SORCS1: variants seen among roughly 807,000 people sequenced by gnomAD.
SORCS1 encodes the protein VPS10 domain-containing receptor SorCS1.
In SORCS1, 60 loss-of-function variants were observed where a neutral mutation model predicts 146.1. The ratio of observed to expected loss-of-function variants is 0.41; its 90% CI spans 0.33 to 0.51. The LOEUF (loss-of-function observed/expected upper bound fraction) is 0.51. Among genes scored for constraint, SORCS1 ranks in the 20% least tolerant of loss-of-function variants. The probability of loss-of-function intolerance (pLI) is 0.21; values close to 1 mark genes in which losing one functional copy is unlikely to be tolerated. For synonymous variants in SORCS1, 637 were observed against 584.0 expected (o/e 1.09, Z -1.31); for missense variants, 1,352 against 1,487.6 (o/e 0.91, Z 1.50).
intron 1 of SORCS1, among the ~76,000 whole-genome samples, chr10:107,068,174 A>G (rs567370818): frequency 1.3e-5 from 2 of 152,088 alleles, no homozygotes; most frequent in Non-Finnish European, 2.9e-5. Context: ...AATTCTTTCT[A>G]ATCTGCTTTC....
chr10:106,672,978 C>A lies in SORCS1; in HGVS notation c.1948G>T (p.Gly650Ter). 1 of 1,613,090 alleles carries A rather than the reference C, an allele frequency of 6.2e-7. No individual in the cohort carries two copies. The highest frequency in any genetic ancestry group is 8.5e-7 in the Non-Finnish European group (1 of 1,179,190). ...CATTCAGAGCGGTGGCTGAAGTGTCCAAACACTCTACAGAGTTCATGGTGA... is the reference window on the plus strand; with the variant it reads ...CATTCAGAGCGGTGGCTGAAGTGTCAAAACACTCTACAGAGTTCATGGTGA... ...GEETLIMTVFGHFSHRSEWQL... is the reference protein window; with the variant it reads ...GEETLIMTVF The change falls in exon 15 of 26, where the codon GGA becomes TGA. Residue 650 changes from glycine (G) to a stop codon, truncating the protein, a stop_gained. Coordinates refer to ENST00000263054, the MANE Select transcript of SORCS1 (RefSeq NM_052918.5). LOFTEE classifies it high-confidence loss of function.
chr10:106,606,569 T>C (rs1220682208), intron 23 of SORCS1, among the ~76,000 whole-genome samples: 1 of 152,208 alleles, frequency 6.6e-6, no homozygotes, highest in Non-Finnish European at 1.5e-5. Flanking sequence ...TCACGGACAA[T>C]TTTTTGTGTT....
At chr10:107,021,513 CAAAAAAAAAAAA>C (rs869141427) in intron 1 of SORCS1, among the ~76,000 whole-genome samples, 35 of 68,630 alleles carry the variant, frequency 5.1e-4, no homozygotes, top group East Asian at 3.1e-3. Flanking sequence ...CACTCCGTCT[CAAAAAAAAAAAA>C]AAAAAAAAAA....
chr10:106,976,627 G>A (rs528006911), intron 1 of SORCS1, among the ~76,000 whole-genome samples: 5 of 152,014 alleles, frequency 3.3e-5, no homozygotes, highest in Non-Finnish European at 5.9e-5. Context: ...CACCGCGCCC[G>A]GCTGCCATCA....
At chr10:106,998,292 T>TAAC (rs1957081318) in intron 1 of SORCS1, among the ~76,000 whole-genome samples, 1 of 152,236 alleles carries the variant, frequency 6.6e-6, no homozygotes, top group Non-Finnish European at 1.5e-5. Context: ...AGTGTCAAAA[T>TAAC]AACAGCACTC....
At chr10:106,584,952 T>C (rs1188296225) in intron 24 of SORCS1, among the ~76,000 whole-genome samples, 1 of 152,200 alleles carries the variant, frequency 6.6e-6, no homozygotes, top group Non-Finnish European at 1.5e-5. Flanking sequence ...TCCTGGCTAC[T>C]ATGTGAAATA....
chr10:107,104,005 C>T (rs990316743), intron 1 of SORCS1, among the ~76,000 whole-genome samples: 4 of 152,172 alleles, frequency 2.6e-5, no homozygotes, highest in Non-Finnish European at 5.9e-5. Context: ...ATGGCAGATT[C>T]GTCAGAACCT....
chr10:107,103,882 A>AGCC (rs1461804885), intron 1 of SORCS1, among the ~76,000 whole-genome samples: 2 of 152,174 alleles, frequency 1.3e-5, no homozygotes, highest in East Asian at 3.9e-4. Flanking sequence ...TTCATTTTAG[A>AGCC]GCCAGGAAAT....
chr10:106,780,335 G>A (rs1860794792), intron 3 of SORCS1, among the ~76,000 whole-genome samples: 1 of 152,148 alleles, frequency 6.6e-6, no homozygotes, highest in South Asian at 2.1e-4. Flanking sequence ...ATCCCCTTCT[G>A]ACTCTTCATG....
intron 2 of SORCS1, among the ~76,000 whole-genome samples, chr10:106,843,592 C>T (rs1949161376): frequency 6.6e-6 from 1 of 151,966 alleles, no homozygotes; most frequent in Non-Finnish European, 1.5e-5. Flanking sequence ...CCACCACGCC[C>T]AGCTTATTCT....
chr10:106,829,198 T>C (rs1948429804), intron 3 of SORCS1, among the ~76,000 whole-genome samples: 1 of 152,228 alleles, frequency 6.6e-6, no homozygotes, highest in Non-Finnish European at 1.5e-5. Flanking sequence ...ATTTGTTCCA[T>C]GTCAAGGAAA....
chr10:107,118,459 T>A (rs961172032), intron 1 of SORCS1, among the ~76,000 whole-genome samples: 1 of 152,240 alleles, frequency 6.6e-6, no homozygotes, highest in Non-Finnish European at 1.5e-5. Flanking sequence ...GATCATATCA[T>A]ATGCATATGC....
chr10:106,632,220 C>A (rs1848479988), intron 18 of SORCS1, among the ~76,000 whole-genome samples: 1 of 152,168 alleles, frequency 6.6e-6, no homozygotes, highest in Admixed American at 6.5e-5. Context: ...GGCCTCTTGG[C>A]TTGGACTCTG....
At chr10:106,861,057 G>A (rs145060009) in intron 2 of SORCS1, among the ~76,000 whole-genome samples, 3 of 152,216 alleles carry the variant, frequency 2.0e-5, no homozygotes, top group Non-Finnish European at 4.4e-5. Flanking sequence ...CTTCTCACAC[G>A]GTACTCAGTT....
intron 3 of SORCS1, among the ~76,000 whole-genome samples, chr10:106,819,530 A>C (rs1947911662): frequency 1.3e-5 from 2 of 152,176 alleles, no homozygotes; most frequent in Non-Finnish European, 2.9e-5. Flanking sequence ...TATACATATA[A>C]ATACAAGAGA....
At chr10:106,907,934 A>G (rs567094386) in intron 2 of SORCS1, among the ~76,000 whole-genome samples, 2 of 152,182 alleles carry the variant, frequency 1.3e-5, no homozygotes, top group South Asian at 2.1e-4. Context: ...CAGAAACTCT[A>G]TTAATACTGA....
At position 106,960,715 on chromosome 10, in the gene SORCS1, G is replaced by C. The variant is rs1027897930; in HGVS notation, c.559-4135C>G. On this transcript the variant is annotated intron_variant, in intron 1 of 25. Transcript: ENST00000263054. This position sits in a 1 kb window ranked among gnomAD's most constrained non-coding sequence, Gnocchi z 4.4. ...TGCGCCCAGCCAGTCCATACTTAGA[G>C]AGAGGATGCCAGTGCCCACTCACCA... 5.3e-5 allele frequency among the ~76,000 whole-genome samples: 8 copies of C among 152,062 alleles called. No individual in the cohort carries two copies. Among genetic ancestry groups the C allele is most frequent in the African/African-American group, 1.7e-4 (7 of 41,404 alleles).
intron 1 of SORCS1, among the ~76,000 whole-genome samples, chr10:107,000,143 T>G (rs1175322122): frequency 6.6e-6 from 1 of 152,168 alleles, no homozygotes; most frequent in Non-Finnish European, 1.5e-5. Flanking sequence ...AACAATGATT[T>G]GAAATAAATA....
chr10:106,764,025 A>T (rs1042196546), intron 4 of SORCS1, among the ~76,000 whole-genome samples: 4 of 152,208 alleles, frequency 2.6e-5, no homozygotes, highest in Non-Finnish European at 5.9e-5. Flanking sequence ...CTAATAGAGA[A>T]CACAGGTTTC....
Sources: gnomAD v4.1 joint callset for allele counts (sites outside exome capture counted in the v4.1 genomes callset) on GRCh38, gnomAD v4.1.1 for gene constraint, Gnocchi (gnomAD v3.1) non-coding constraint, MANE v1.5 for transcripts, NCBI Gene and HGNC (gene_info 2026-07-23, HGNC 2026-07-21) for gene names.